Variants in ABLIM1 observed in about 807,000 individuals in gnomAD.
ABLIM1 encodes the protein actin binding LIM protein 1.
In ABLIM1, 40 loss-of-function variants were observed where a neutral mutation model predicts 107.0. The observed-to-expected ratio is 0.37, with a 90% confidence interval of 0.29 to 0.49. The LOEUF (loss-of-function observed/expected upper bound fraction) is 0.49. Among genes scored for constraint, ABLIM1 ranks in the 20% least tolerant of loss-of-function variants. The probability of loss-of-function intolerance (pLI) is 0.97; values close to 1 mark genes in which losing one functional copy is unlikely to be tolerated. For synonymous variants in ABLIM1, 357 were observed against 357.3 expected, an observed-to-expected ratio of 1.00 and a Z score of 0.01; for missense variants, 857 against 1,008.5, an observed-to-expected ratio of 0.85 and a Z score of 2.04.
intron 1 of ABLIM1, among the ~76,000 whole-genome samples, chr10:114,634,637 C>G (rs1263677994): frequency 6.6e-6 from 1 of 152,094 alleles, no homozygotes; most frequent in African/African-American, 2.4e-5. Flanking sequence ...TCAGAGAAGC[C>G]TTTTCTAAAG....
chr10:114,655,272 C>G (rs2079447283), intron 1 of ABLIM1, among the ~76,000 whole-genome samples: 1 of 152,180 alleles, frequency 6.6e-6, no homozygotes, highest in Non-Finnish European at 1.5e-5. Flanking sequence ...TATGGATATC[C>G]CAATGATGAT....
chr10:114,736,368 A>C (rs1236793585), intron 1 of ABLIM1, among the ~76,000 whole-genome samples: 1 of 152,196 alleles, frequency 6.6e-6, no homozygotes, highest in Non-Finnish European at 1.5e-5. Context: ...AGCCAATCCA[A>C]ACAGGGACAA....
intron 1 of ABLIM1, among the ~76,000 whole-genome samples, chr10:114,715,347 C>G (rs963092308): frequency 3.9e-5 from 6 of 152,132 alleles, no homozygotes; most frequent in Admixed American, 3.3e-4. Flanking sequence ...GATCAGTATC[C>G]GAGCCCCTTC....
At chr10:114,668,199 C>T (rs1241473485) in intron 1 of ABLIM1, among the ~76,000 whole-genome samples, 2 of 152,040 alleles carry the variant, frequency 1.3e-5, no homozygotes, top group Non-Finnish European at 2.9e-5. Flanking sequence ...TATCCATCAG[C>T]ATTTGAGAGG....
At chr10:114,673,070 A>C (rs7907371) in intron 1 of ABLIM1, among the ~76,000 whole-genome samples, 30,120 of 151,834 alleles carry the variant, frequency 0.2, 3,225 homozygotes, top group African/African-American at 0.28. Flanking sequence ...CCAGCCTGAC[A>C]AACATGGAGA....
At chr10:114,782,236 C>G in the ABLIM1 span, among the ~76,000 whole-genome samples, 1 of 152,054 alleles carries the variant, frequency 6.6e-6, no homozygotes, top group Admixed American at 6.5e-5. Context: ...ATGCTAAGAA[C>G]TTTTTAATAC....
chr10:114,508,170 G>C (rs567775623), intron 6 of ABLIM1, among the ~76,000 whole-genome samples: 1 of 152,224 alleles, frequency 6.6e-6, no homozygotes, highest in African/African-American at 2.4e-5. Flanking sequence ...TACCTGAGTG[G>C]GACAAACGTA....
Position 114,619,990 on chromosome 10 carries a change from G to A in ABLIM1, c.245-18029C>T, listed in dbSNP as rs2077365125. ...CCCGTTGCAAGTGAAGAAACCCAAC[G>A]TAACCCAAACATACCTATTATCACA... is the stretch of plus-strand genomic sequence containing the variant. On this transcript the variant is annotated intron_variant, in intron 1 of 22. Transcript: ENST00000533213. This position sits in a 1 kb window ranked among gnomAD's most constrained non-coding sequence, Gnocchi z 4.1. Among the ~76,000 whole-genome samples, 1 of 152,160 alleles carries A rather than the reference G, an allele frequency of 6.6e-6. No homozygotes were observed.
intron 1 of ABLIM1, among the ~76,000 whole-genome samples, chr10:114,749,372 CTTTG>C (rs915628667): frequency 1.3e-5 from 2 of 151,724 alleles, no homozygotes; most frequent in African/African-American, 4.8e-5. Context: ...AGGACACATT[CTTTG>C]TTTGCTAGCT....
At chr10:114,463,168 T>C (rs1171069282) in intron 12 of ABLIM1, 1 of 1,274,976 alleles carries the variant, frequency 7.8e-7, no homozygotes, top group Non-Finnish European at 1.0e-6. Flanking sequence ...AAAAGCTCTG[T>C]GCAGCAAGGA....
Position 114,690,674 on chromosome 10 carries a change from G to A in ABLIM1, c.-213+77387C>T, listed in dbSNP as rs562529817. On this transcript the variant is annotated intron_variant, in intron 1 of 15. Transcript: ENST00000651092. ...CTACAGGGCTCCTGGTGGCGGCAGC[G>A]TCTGCAAAAGCCTATTTTTTTTTTT... 9.6e-5 allele frequency: 51 copies of A among 532,412 alleles called. 1 individual carries two copies. Among genetic ancestry groups the A allele is most frequent in the African/African-American group, 2.3e-4 (12 of 52,794 alleles). The allele number at this position is 532,412 out of a possible 1,614,324, so 33.0% of individuals were successfully genotyped here.
In ABLIM1 at chr10:114,692,990, T is replaced by C. The variant is rs530694795; in HGVS notation, c.-213+75071A>G. On this transcript the variant is annotated intron_variant, in intron 1 of 15. Coordinates refer to the ABLIM1 transcript ENST00000651092. ...TTTAGGGTTTATAATAACCAGCCAC[T>C]GGAGTTAGAAACAAAACTGCCTTTA... Among the ~76,000 whole-genome samples, 7 of 152,358 alleles carry C rather than the reference T, an allele frequency of 4.6e-5. No homozygotes were observed. In the East Asian group the frequency reaches 1.3e-3, roughly 29 times the overall value.
In ABLIM1 at chr10:114,675,491, C is replaced by G. The variant is rs111746111; in HGVS notation, c.64+8799G>C. Reference sequence around the variant, plus strand: ...ACTTTGCTCCTCCTTCGCCTTCTGCCGTGATTGTGAGGCCTCCTCAGCCAT... The same window carrying G: ...ACTTTGCTCCTCCTTCGCCTTCTGCGGTGATTGTGAGGCCTCCTCAGCCAT... On this transcript the variant is annotated intron_variant, in intron 1 of 23. Transcript: ENST00000369256. 4.7e-3 allele frequency among the ~76,000 whole-genome samples: 720 copies of G among 152,290 alleles called. 8 individuals carry two copies. The highest frequency in any genetic ancestry group is 0.016 in the African/African-American group (676 of 41,544).
intron 1 of ABLIM1, among the ~76,000 whole-genome samples, chr10:114,618,018 C>T (rs1295741265): frequency 6.6e-6 from 1 of 152,118 alleles, no homozygotes; most frequent in Non-Finnish European, 1.5e-5. Flanking sequence ...TAATTGCCTG[C>T]CCCACTCCTC....
intron 1 of ABLIM1, among the ~76,000 whole-genome samples, chr10:114,637,601 A>T (rs907671866): frequency 1.3e-5 from 2 of 152,188 alleles, no homozygotes; most frequent in African/African-American, 4.8e-5. Flanking sequence ...CTGAGTTTGG[A>T]CCCAAGCAAT....
chr10:114,594,240 A>G (rs1400963640), intron 2 of ABLIM1, among the ~76,000 whole-genome samples: 1 of 152,240 alleles, frequency 6.6e-6, no homozygotes, highest in Non-Finnish European at 1.5e-5. Context: ...CCAGAGTGAA[A>G]CTAAGCAGCA....
chr10:114,474,019 G>T, intron 8 of ABLIM1, 63 bp from the exon 9 acceptor site: 1 of 1,311,132 alleles, frequency 7.6e-7, no homozygotes, highest in Non-Finnish European at 1.1e-6. Flanking sequence ...GACTGTCCTG[G>T]GCCCTTAAGC....
intron 1 of ABLIM1, among the ~76,000 whole-genome samples, chr10:114,718,628 C>T (rs2081763540): frequency 6.6e-6 from 1 of 152,172 alleles, no homozygotes; most frequent in Non-Finnish European, 1.5e-5. Flanking sequence ...GGGAATCAGA[C>T]TAGAAGCCAA....
At chr10:114,509,423 T>C (rs1211598470) in intron 6 of ABLIM1, among the ~76,000 whole-genome samples, 1 of 152,166 alleles carries the variant, frequency 6.6e-6, no homozygotes, top group Non-Finnish European at 1.5e-5. Flanking sequence ...TCCAGGCTCT[T>C]ATTATCCTTC....
Sources: gnomAD v4.1 joint callset for allele counts (sites outside exome capture counted in the v4.1 genomes callset) on GRCh38, gnomAD v4.1.1 for gene constraint, Gnocchi (gnomAD v3.1) non-coding constraint, MANE v1.5 for transcripts, NCBI Gene and HGNC (gene_info 2026-07-23, HGNC 2026-07-21) for gene names.